Variants in C10orf53 observed in about 807,000 individuals in gnomAD.
The protein encoded by C10orf53 is chromosome 10 open reading frame 53, also known as UPF0728 protein C10orf53.
Under a neutral mutation model 9.4 loss-of-function variants are expected in C10orf53, and 8 were observed. That is an observed-to-expected ratio of 0.85 (90% CI 0.50 to 1.53). The LOEUF is 1.53. Ranked by LOEUF, C10orf53 falls within the 40% of genes most tolerant of loss-of-function variation. The pLI, the probability that C10orf53 is intolerant of heterozygous loss-of-function variation, is 0.00. For synonymous variants in C10orf53, 48 were observed against 46.0 expected (o/e 1.04, Z -0.18); for missense variants, 117 against 117.8 (o/e 0.99, Z 0.03).
chr10:49,702,116 GAATCCAGGAGGCGGAGATT>G (rs1840687759), downstream of C10orf53, among the ~76,000 whole-genome samples: 2 of 151,900 alleles, frequency 1.3e-5, no homozygotes, highest in African/African-American at 4.8e-5. Context: ...AGAATCACTT[GAATCCAGGAGGCGGAGATT>G]GCAGTGAGCC....
At chr10:49,708,622 G>A (rs574100580) in exon 3 of C10orf53, 22 of 1,613,674 alleles carry the variant, frequency 1.4e-5, no homozygotes, top group South Asian at 1.2e-4. Flanking sequence ...TACTGAAATC[G>A]ACAGGACAGA....
chr10:49,694,519 A>T lies in C10orf53; in HGVS notation c.218-19A>T. 6.2e-7 allele frequency: 1 copy of T among 1,614,028 alleles called. No homozygotes were observed. Among genetic ancestry groups the T allele is most frequent in the African/African-American group, 1.3e-5 (1 of 75,060 alleles). ...TGTATATAAAGCTAACCAAAAGACAATTATATCTGTTTCCCTAGGAGGCGA... is the reference window on the plus strand; with the variant it reads ...TGTATATAAAGCTAACCAAAAGACATTTATATCTGTTTCCCTAGGAGGCGA... On this transcript the variant is annotated intron_variant, in intron 2 of 2. Transcript: ENST00000374111.
chr10:49,706,365 A>G (rs1188701611), intron 2 of C10orf53, among the ~76,000 whole-genome samples: 1 of 152,238 alleles, frequency 6.6e-6, no homozygotes. Flanking sequence ...AATAAGCAAA[A>G]TGTGGTCTAT....
chr10:49,707,973 T>C (rs546515401), intron 2 of C10orf53, among the ~76,000 whole-genome samples: 27 of 152,272 alleles, frequency 1.8e-4, no homozygotes, highest in African/African-American at 6.5e-4. Context: ...AGGGTACCAG[T>C]ATTAGTGCCT....
intron 1 of C10orf53, among the ~76,000 whole-genome samples, chr10:49,685,456 A>G (rs940246889): frequency 6.6e-6 from 1 of 152,172 alleles, no homozygotes; most frequent in Non-Finnish European, 1.5e-5. Context: ...AATATTTTCA[A>G]CTTACAATGG....
downstream of C10orf53, among the ~76,000 whole-genome samples, chr10:49,697,768 T>C (rs1215995536): frequency 6.6e-6 from 1 of 152,092 alleles, no homozygotes; most frequent in East Asian, 1.9e-4. Context: ...GCCAGGCTGG[T>C]CTCCTGACCT....
At chr10:49,704,230 T>G (rs1840706846) in intron 2 of C10orf53, among the ~76,000 whole-genome samples, 1 of 152,010 alleles carries the variant, frequency 6.6e-6, no homozygotes, top group Non-Finnish European at 1.5e-5. Flanking sequence ...ACAAAGCAAA[T>G]CACATCAAAA....
At chr10:49,699,643 A>G (rs989094886), downstream of C10orf53, among the ~76,000 whole-genome samples, 1 of 152,142 alleles carries the variant, frequency 6.6e-6, no homozygotes, top group African/African-American at 2.4e-5. Flanking sequence ...CTTTGGTCTG[A>G]GAGTCATTTT....
downstream of C10orf53, among the ~76,000 whole-genome samples, chr10:49,702,059 T>C (rs1211801060): frequency 6.6e-6 from 1 of 151,964 alleles, no homozygotes; most frequent in Non-Finnish European, 1.5e-5. Context: ...TAGCCAGGCA[T>C]GGTGGTGGGC....
intron 2 of C10orf53, among the ~76,000 whole-genome samples, chr10:49,706,429 C>A (rs943686702): frequency 6.6e-6 from 1 of 152,138 alleles, no homozygotes; most frequent in Non-Finnish European, 1.5e-5. Context: ...CTGATATATG[C>A]TACAACAGGC....
chr10:49,682,700 T>C (rs1199051748), intron 1 of C10orf53, among the ~76,000 whole-genome samples: 1 of 152,092 alleles, frequency 6.6e-6, no homozygotes, highest in African/African-American at 2.4e-5. Flanking sequence ...TGCTGATTGG[T>C]GCATTTACAA....
At chr10:49,682,523 CAAAGCG>C (rs1259631460) in intron 1 of C10orf53, among the ~76,000 whole-genome samples, 2 of 150,372 alleles carry the variant, frequency 1.3e-5, no homozygotes, top group East Asian at 3.9e-4. Flanking sequence ...ACAAATCTCC[CAAAGCG>C]TGGAGGGGGA....
intron 2 of C10orf53, among the ~76,000 whole-genome samples, chr10:49,703,540 G>A (rs904563285): frequency 6.6e-5 from 10 of 152,154 alleles, no homozygotes; most frequent in Admixed American, 2.0e-4. Flanking sequence ...CATGTAAGGC[G>A]ACCAGCAGCC....
rs767370413 is a variant in C10orf53 at position 49,695,019 on chromosome 10, G to C, written c.*417G>C. The C allele has an allele frequency of 6.7e-5, 60 of 897,992 alleles. No individual in the cohort carries two copies. Among genetic ancestry groups the C allele is most frequent in the Admixed American group, 1.8e-4 (3 of 16,284 alleles). The allele number at this position is 897,992 out of a possible 1,614,324, so 55.6% of individuals were successfully genotyped here. Reference sequence around the variant, plus strand: ...TAAAGAGAGGTTGGGGGAAGAGTGGGAATAAAGGCTTTTGAAAGTCTGAAC... The same window carrying C: ...TAAAGAGAGGTTGGGGGAAGAGTGGCAATAAAGGCTTTTGAAAGTCTGAAC... On this transcript the variant is annotated 3_prime_UTR_variant, in exon 3 of 3. Coordinates refer to ENST00000374111, the MANE Select transcript of C10orf53 (RefSeq NM_001042427.3).
chr10:49,679,858 C>T, intron 1 of C10orf53, 64 bp downstream of exon 1: 1 of 1,424,524 alleles, frequency 7.0e-7, no homozygotes, highest in South Asian at 1.4e-5. Flanking sequence ...GCAGGTGGTG[C>T]CCTGTGCCTA....
At chr10:49,694,490 A>G in intron 2 of C10orf53, 48 bp from the exon 3 acceptor site, 1 of 1,611,438 alleles carries the variant, frequency 6.2e-7, no homozygotes, top group Non-Finnish European at 8.5e-7. Flanking sequence ...ATATGATAAC[A>G]AATTGTATAT....
Position 49,694,697 on chromosome 10 carries a change from A to AC in C10orf53, c.*96dup. On this transcript the variant is annotated 3_prime_UTR_variant, in exon 3 of 3. Transcript: ENST00000374111. ...GAAGTGGCTGTGCCACGGTGTGGAC[A>AC]CTGGGCTCTGCTAGTCAGAACAGGG... 6.3e-7 allele frequency: 1 copy of AC among 1,593,732 alleles called. No individual in the cohort carries two copies. Among genetic ancestry groups the AC allele is most frequent in the Non-Finnish European group, 8.6e-7 (1 of 1,169,444 alleles).
chr10:49,686,720 C>G (rs540398760), intron 1 of C10orf53, among the ~76,000 whole-genome samples: 21 of 152,290 alleles, frequency 1.4e-4, no homozygotes, highest in African/African-American at 4.8e-4. Context: ...GAAATTCCAG[C>G]CTGGTAAATT....
intron 1 of C10orf53, among the ~76,000 whole-genome samples, chr10:49,691,022 A>G (rs1017568041): frequency 2.0e-4 from 31 of 152,286 alleles, no homozygotes; most frequent in African/African-American, 7.5e-4. Context: ...AGGCAGGCGG[A>G]CTGCAGGTGG....
Sources: gnomAD v4.1 joint callset for allele counts (sites outside exome capture counted in the v4.1 genomes callset) on GRCh38, gnomAD v4.1.1 for gene constraint, MANE v1.5 for transcripts, NCBI Gene and HGNC (gene_info 2026-07-23, HGNC 2026-07-21) for gene names.